Variants in FER1L6 observed in about 807,000 individuals in gnomAD.
FER1L6 encodes the protein fer-1-like protein 6.
A neutral mutation model predicts 219.2 loss-of-function variants in FER1L6; 177 were observed. The observed-to-expected ratio is 0.81, with a 90% CI of 0.71 to 0.91. The LOEUF (loss-of-function observed/expected upper bound fraction) is 0.91, where lower values mean the gene tolerates loss of function less well. FER1L6 is among the 40% of genes least tolerant of loss of function. The pLI is 0.00. For missense variants in FER1L6, 2,153 were observed against 2,259.9 expected, an observed-to-expected ratio of 0.95 and a Z score of 0.96; for synonymous variants, 768 against 824.3, an observed-to-expected ratio of 0.93 and a Z score of 1.17.
At chr8:123,991,107 C>T (rs145666065) in intron 12 of FER1L6, among the ~76,000 whole-genome samples, 1 of 152,194 alleles carries the variant, frequency 6.6e-6, no homozygotes, top group Non-Finnish European at 1.5e-5. Context: ...GTTTTAGTAA[C>T]TATATCCTTG....
intron 35 of FER1L6, among the ~76,000 whole-genome samples, chr8:124,095,332 C>G (rs1473441616): frequency 2.6e-5 from 4 of 152,204 alleles, no homozygotes; most frequent in Admixed American, 1.3e-4. Flanking sequence ...AGTCAGTGTT[C>G]AACTTAGTAC....
chr8:123,869,467 A>AT (rs1210095691), intron 1 of FER1L6, among the ~76,000 whole-genome samples: 2 of 152,176 alleles, frequency 1.3e-5, no homozygotes, highest in Non-Finnish European at 2.9e-5. Context: ...TTGCTGTCAA[A>AT]TCCATTTCAT....
At position 124,031,654 on chromosome 8, in the gene FER1L6, G is replaced by A. The variant is rs548372358; in HGVS notation, c.2287-3623G>A. Among the ~76,000 whole-genome samples, 4 of 152,292 alleles carry A rather than the reference G, an allele frequency of 2.6e-5. No homozygotes were observed. The East Asian group carries it at 7.7e-4, about 29-fold the overall frequency. On this transcript the variant is annotated intron_variant, in intron 18 of 40. Transcript: ENST00000522917. ...TTCTGGTTTCTGTGACCTGCACTAGGGAAGAGAGATTCTAGTTTCTATGGC... is the reference window on the plus strand; with the variant it reads ...TTCTGGTTTCTGTGACCTGCACTAGAGAAGAGAGATTCTAGTTTCTATGGC...
At chr8:124,116,874 C>T (rs1246930645) in intron 39 of FER1L6, among the ~76,000 whole-genome samples, 1 of 152,192 alleles carries the variant, frequency 6.6e-6, no homozygotes, top group Non-Finnish European at 1.5e-5. Flanking sequence ...TCTTGAGTCT[C>T]TCCCAGCCAT....
At chr8:123,930,722 G>C (rs1813733656) in intron 1 of FER1L6, among the ~76,000 whole-genome samples, 1 of 152,186 alleles carries the variant, frequency 6.6e-6, no homozygotes, top group Non-Finnish European at 1.5e-5. Flanking sequence ...CCTGCTTCAG[G>C]GATTGCTGTG....
chr8:123,921,177 C>T (rs1461979373), intron 1 of FER1L6, among the ~76,000 whole-genome samples: 1 of 152,110 alleles, frequency 6.6e-6, no homozygotes, highest in African/African-American at 2.4e-5. Context: ...CAAGATTCTG[C>T]TTTCTATTCT....
At chr8:123,895,918 G>A (rs1480220337) in intron 1 of FER1L6, among the ~76,000 whole-genome samples, 1 of 152,198 alleles carries the variant, frequency 6.6e-6, no homozygotes, top group African/African-American at 2.4e-5. Flanking sequence ...AGTATAAACA[G>A]GAGGGACAAT....
intron 18 of FER1L6, among the ~76,000 whole-genome samples, chr8:124,031,375 G>A (rs541127212): frequency 6.7e-4 from 102 of 152,234 alleles, no homozygotes; most frequent in African/African-American, 2.4e-3. Flanking sequence ...GTAGAAATAC[G>A]ATTCAGTAAA....
chr8:124,097,944 A>G (rs953857003), intron 37 of FER1L6, 61 bp downstream of exon 37: 4 of 906,134 alleles, frequency 4.4e-6, no homozygotes, highest in Non-Finnish European at 7.4e-6. Flanking sequence ...TTTAAACCCT[A>G]ACTAAATCTA....
At chr8:123,971,730 C>A (rs1815825049) in intron 6 of FER1L6, among the ~76,000 whole-genome samples, 1 of 152,200 alleles carries the variant, frequency 6.6e-6, no homozygotes, top group Non-Finnish European at 1.5e-5. Flanking sequence ...ATATATACGA[C>A]ATGGGATAAG....
intron 12 of FER1L6, among the ~76,000 whole-genome samples, chr8:123,996,162 T>C (rs1817121525): frequency 6.6e-6 from 1 of 152,182 alleles, no homozygotes; most frequent in South Asian, 2.1e-4. Flanking sequence ...AAATATCTAT[T>C]ATGTCCATTT....
intron 35 of FER1L6, among the ~76,000 whole-genome samples, chr8:124,095,954 C>T (rs1367403810): frequency 2.0e-5 from 3 of 152,200 alleles, no homozygotes; most frequent in African/African-American, 4.8e-5. Context: ...ATCCCTGGCC[C>T]ATGCCAGGTT....
chr8:124,019,794 A>G (rs1200496096), intron 16 of FER1L6, among the ~76,000 whole-genome samples: 2 of 152,242 alleles, frequency 1.3e-5, no homozygotes, highest in African/African-American at 4.8e-5. Flanking sequence ...GAAAATACAT[A>G]AAAATTATTA....
chr8:124,118,221 A>C (rs149303237), intron 39 of FER1L6, among the ~76,000 whole-genome samples: 1 of 152,318 alleles, frequency 6.6e-6, no homozygotes, highest in Non-Finnish European at 1.5e-5. Flanking sequence ...ACCCTTTGAT[A>C]AATCAAGACA....
chr8:124,001,912 T>C (rs538060534), intron 12 of FER1L6, among the ~76,000 whole-genome samples: 53 of 152,304 alleles, frequency 3.5e-4, no homozygotes, highest in Admixed American at 1.1e-3. Flanking sequence ...TAGCTTAGGT[T>C]CCCAGAAACG....
chr8:124,068,218 C>G (rs1820905654), intron 28 of FER1L6, among the ~76,000 whole-genome samples: 2 of 152,182 alleles, frequency 1.3e-5, no homozygotes, highest in South Asian at 4.1e-4. Context: ...TGACCACAAA[C>G]TCAATTCAAG....
chr8:124,010,496 C>T lies in FER1L6; in HGVS notation c.1701-98C>T, dbSNP rs570196325. ...TTGATAGTTTTTTCATCATGCCTCC[C>T]GAGTCCTGCCCAGAACGTATAAAAC... is the stretch of plus-strand genomic sequence containing the variant. On this transcript the variant is annotated intron_variant, in intron 13 of 40. Coordinates refer to ENST00000522917, the MANE Select transcript of FER1L6 (RefSeq NM_001039112.2). The T allele has an allele frequency of 3.2e-4, 466 of 1,438,346 alleles. 6 individuals are homozygous for T. The South Asian group carries it at 4.0e-3, about 12-fold the overall frequency. The allele number at this position is 1,438,346 out of a possible 1,614,324, so 89.1% of individuals were successfully genotyped here. A position where few individuals can be genotyped will look rare whatever the true frequency, so the allele number is the denominator to read the frequency against.
chr8:124,000,683 C>T (rs1208172739), intron 12 of FER1L6, among the ~76,000 whole-genome samples: 2 of 152,178 alleles, frequency 1.3e-5, no homozygotes, highest in African/African-American at 4.8e-5. Context: ...TTATGTAACT[C>T]TCCAAATCTT....
At chr8:124,105,553 A>G (rs900441243) in intron 39 of FER1L6, among the ~76,000 whole-genome samples, 2 of 152,204 alleles carry the variant, frequency 1.3e-5, no homozygotes, top group African/African-American at 4.8e-5. Context: ...ATGTGCTGAA[A>G]TAGGAACTCA....
Sources: gnomAD v4.1 joint callset for allele counts (sites outside exome capture counted in the v4.1 genomes callset) on GRCh38, gnomAD v4.1.1 for gene constraint, MANE v1.5 for transcripts, NCBI Gene and HGNC (gene_info 2026-07-23, HGNC 2026-07-21) for gene names.